Variants in FRMD4A observed in about 807,000 individuals in gnomAD.
FRMD4A encodes FERM domain containing 4A.
FRMD4A carries 29 observed loss-of-function variants against 129.1 expected under a neutral mutation model. The ratio of observed to expected loss-of-function variants is 0.22; its 90% CI spans 0.17 to 0.31. FRMD4A has a LOEUF of 0.31. Ranked by LOEUF, FRMD4A falls within the 10% of genes least tolerant of loss-of-function variation. The pLI is 1.00. For synonymous variants in FRMD4A, 634 were observed against 571.6 expected (o/e 1.11, Z -1.56); for missense variants, 1,272 against 1,375.8 (o/e 0.92, Z 1.19).
intron 2 of FRMD4A, among the ~76,000 whole-genome samples, chr10:14,127,862 G>A (rs1172745967): frequency 1.3e-5 from 2 of 151,416 alleles, no homozygotes; most frequent in African/African-American, 4.9e-5. Context: ...ATTATCCCCA[G>A]CCTCTTTTAT....
chr10:13,827,489 TA>T (rs2130926767), intron 3 of FRMD4A, among the ~76,000 whole-genome samples: 1 of 152,352 alleles, frequency 6.6e-6, no homozygotes, highest in Non-Finnish European at 1.5e-5. Flanking sequence ...ATTAGGTTTT[TA>T]ACGCATGCTA....
At chr10:13,647,084 G>T (rs59208412) in intron 24 of FRMD4A, 49 bp from the exon 25 acceptor site, 5,374 of 367,836 alleles carry the variant, frequency 0.015, 220 homozygotes, top group African/African-American at 0.09. Flanking sequence ...AGTGGAGGAG[G>T]ATGGGTTCAG....
chr10:14,085,447 A>G (rs976442580), intron 2 of FRMD4A, among the ~76,000 whole-genome samples: 11 of 152,112 alleles, frequency 7.2e-5, no homozygotes, highest in Non-Finnish European at 1.0e-4. Context: ...TCTCTCCCCA[A>G]TCCACAGCTT....
At chr10:14,189,847 A>G (rs1842263263) in intron 2 of FRMD4A, among the ~76,000 whole-genome samples, 1 of 152,228 alleles carries the variant, frequency 6.6e-6, no homozygotes, top group Admixed American at 6.5e-5. Flanking sequence ...AACAATGGCA[A>G]AAGTGTTGGG....
At chr10:14,087,105 C>CG (rs902397520) in intron 2 of FRMD4A, among the ~76,000 whole-genome samples, 17 of 151,592 alleles carry the variant, frequency 1.1e-4, no homozygotes, top group South Asian at 2.1e-4. Flanking sequence ...ACCCTGGTTG[C>CG]GGGGGGTGGG....
intron 2 of FRMD4A, among the ~76,000 whole-genome samples, chr10:14,159,576 A>T (rs1219530371): frequency 6.6e-6 from 1 of 152,218 alleles, no homozygotes; most frequent in Non-Finnish European, 1.5e-5. Context: ...TACAGATTCA[A>T]TTCAATCCCT....
At chr10:13,771,272 T>C (rs1043813454) in intron 6 of FRMD4A, among the ~76,000 whole-genome samples, 2 of 152,096 alleles carry the variant, frequency 1.3e-5, no homozygotes, top group Admixed American at 6.5e-5. Context: ...GGTTGGGGTC[T>C]TGCTATGTTG....
chr10:14,126,188 T>TTTTTTA (rs397935419), intron 2 of FRMD4A, among the ~76,000 whole-genome samples: 1 of 148,402 alleles, frequency 6.7e-6, no homozygotes. Context: ...TTTTTTTTTT[T>TTTTTTA]GAGATGGAGT....
At chr10:13,899,468 C>T (rs190123927) in intron 2 of FRMD4A, among the ~76,000 whole-genome samples, 6 of 152,058 alleles carry the variant, frequency 3.9e-5, no homozygotes, top group Non-Finnish European at 5.9e-5. Flanking sequence ...CTGTTCTGTC[C>T]CTTTTCTACA....
In FRMD4A at chr10:13,890,813, G is replaced by A. The variant is rs1358865089; in HGVS notation, c.46-31901C>T. 5 of 985,114 alleles carry A rather than the reference G, an allele frequency of 5.1e-6. No homozygotes were observed. The South Asian group carries it at 1.9e-4, about 37-fold the overall frequency. The allele number at this position is 985,114 out of a possible 1,614,324, so 61.0% of individuals were successfully genotyped here. Reference sequence around the variant, plus strand: ...CCCGGGGGGCTGGCATGGCTGCATCGTTCAGAATGAGGATGTCTATTAAGA... The same window carrying A: ...CCCGGGGGGCTGGCATGGCTGCATCATTCAGAATGAGGATGTCTATTAAGA... On this transcript the variant is annotated intron_variant, in intron 2 of 24. Coordinates refer to ENST00000357447, the MANE Select transcript of FRMD4A (RefSeq NM_018027.5).
chr10:13,900,054 G>A (rs2094801589), intron 2 of FRMD4A, among the ~76,000 whole-genome samples: 1 of 152,162 alleles, frequency 6.6e-6, no homozygotes, highest in Non-Finnish European at 1.5e-5. Context: ...AGGTTAAAGT[G>A]CTTGGCTGGT....
At chr10:13,731,755 T>C (rs769211975) in intron 12 of FRMD4A, among the ~76,000 whole-genome samples, 3 of 152,058 alleles carry the variant, frequency 2.0e-5, no homozygotes, top group South Asian at 4.1e-4. Flanking sequence ...GCTGATATTC[T>C]GGGGGAGGTG....
chr10:13,697,684 T>C (rs991651690), intron 14 of FRMD4A, among the ~76,000 whole-genome samples: 3 of 152,086 alleles, frequency 2.0e-5, no homozygotes, highest in African/African-American at 4.8e-5. Context: ...CTGTCCCCCT[T>C]TGACTCTGCC....
At chr10:14,133,186 AT>A (rs1839355555) in intron 2 of FRMD4A, among the ~76,000 whole-genome samples, 1 of 152,202 alleles carries the variant, frequency 6.6e-6, no homozygotes, top group Non-Finnish European at 1.5e-5. Context: ...ATTAGATGAC[AT>A]TTTGCTAAAG....
At chr10:14,242,446 T>G (rs11258972) in intron 2 of FRMD4A, among the ~76,000 whole-genome samples, 8,594 of 152,300 alleles carry the variant, frequency 0.056, 304 homozygotes, top group South Asian at 0.18. Context: ...TTGCTAAGGA[T>G]GTTGGAGACA....
At chr10:13,898,918 C>T (rs1351919808) in intron 2 of FRMD4A, among the ~76,000 whole-genome samples, 3 of 152,172 alleles carry the variant, frequency 2.0e-5, no homozygotes, top group Admixed American at 6.5e-5. Flanking sequence ...CACAGTGGCT[C>T]ACACCTGTAA....
intron 9 of FRMD4A, among the ~76,000 whole-genome samples, chr10:13,742,440 C>T (rs905165756): frequency 6.6e-6 from 1 of 152,184 alleles, no homozygotes; most frequent in Non-Finnish European, 1.5e-5. Flanking sequence ...TCCTCTTCAC[C>T]CTCCCTGTCC....
At chr10:13,663,020 C>A (rs916671676) in intron 19 of FRMD4A, among the ~76,000 whole-genome samples, 4 of 124,144 alleles carry the variant, frequency 3.2e-5, no homozygotes, top group African/African-American at 5.9e-5. Context: ...ATGGCAAACC[C>A]AGTCTCTACA....
intron 2 of FRMD4A, among the ~76,000 whole-genome samples, chr10:13,987,362 T>C (rs1168985614): frequency 6.6e-6 from 1 of 152,196 alleles, no homozygotes; most frequent in Non-Finnish European, 1.5e-5. Flanking sequence ...ATGAAAAAGT[T>C]AAATCGTGAA....
Sources: allele counts gnomAD v4.1 joint callset (sites outside exome capture counted in the v4.1 genomes callset), GRCh38; gene constraint gnomAD v4.1.1; transcripts MANE v1.5; gene names NCBI Gene and HGNC (gene_info 2026-07-23, HGNC 2026-07-21).